Variants in MACROD2 observed in about 807,000 individuals in gnomAD.
MACROD2 encodes mono-ADP ribosylhydrolase 2.
A neutral mutation model predicts 70.4 loss-of-function variants in MACROD2; 36 were observed. The ratio of observed to expected loss-of-function variants is 0.51; its 90% CI spans 0.39 to 0.68. The LOEUF (loss-of-function observed/expected upper bound fraction) is 0.68, where lower values mean the gene tolerates loss of function less well. Among genes scored for constraint, MACROD2 ranks in the 30% least tolerant of loss-of-function variants. The pLI, the probability that MACROD2 is intolerant of heterozygous loss-of-function variation, is 0.00. For synonymous variants in MACROD2, 172 were observed against 178.8 expected (o/e 0.96, Z 0.30); for missense variants, 496 against 538.4 (o/e 0.92, Z 0.78).
rs772034372 is a variant in MACROD2 at position 14,448,697 on chromosome 20, AAAGG to A, written c.272-44781_272-44778del. ...AAAAAAAAGAAAGAAAGAAAGAAAG[AAAGG>A]CGGTGAGAGACAAACATAACATTGA... On this transcript the variant is annotated intron_variant, in intron 3 of 17. Coordinates refer to ENST00000684519, the MANE Select transcript of MACROD2 (RefSeq NM_001351661.2). Among the ~76,000 whole-genome samples the A allele has an allele frequency of 2.0e-3, 302 of 151,472 alleles. 3 individuals are homozygous for A. The South Asian group carries it at 0.023, about 12-fold the overall frequency.
intron 6 of MACROD2, among the ~76,000 whole-genome samples, chr20:15,387,799 G>T (rs1338755062): frequency 6.6e-6 from 1 of 150,676 alleles, no homozygotes; most frequent in African/African-American, 2.4e-5. Context: ...AGTGAGTGGG[G>T]TGATCATAGC....
intron 5 of MACROD2, among the ~76,000 whole-genome samples, chr20:15,191,814 G>A (rs1004837782): frequency 6.6e-6 from 1 of 151,800 alleles, no homozygotes; most frequent in African/African-American, 2.4e-5. Flanking sequence ...CAGGAGGTAG[G>A]GATATCTTCA....
chr20:15,464,740 T>C (rs2046863005), intron 7 of MACROD2, among the ~76,000 whole-genome samples: 1 of 152,204 alleles, frequency 6.6e-6, no homozygotes, highest in African/African-American at 2.4e-5. Flanking sequence ...AGCACCTTCT[T>C]AGCCGTCCCT....
intron 4 of MACROD2, among the ~76,000 whole-genome samples, chr20:14,682,217 A>G (rs1052522126): frequency 6.6e-6 from 1 of 152,132 alleles, no homozygotes; most frequent in Non-Finnish European, 1.5e-5. Context: ...TTCATTATCT[A>G]TTTGAAAGCA....
intron 5 of MACROD2, among the ~76,000 whole-genome samples, chr20:14,802,224 C>T (rs2072585421): frequency 6.6e-6 from 1 of 152,054 alleles, no homozygotes; most frequent in Admixed American, 6.6e-5. Context: ...CAAACTGTTT[C>T]TAACCATAGA....
At chr20:16,018,177 A>G (rs2066954445) in intron 15 of MACROD2, among the ~76,000 whole-genome samples, 1 of 152,216 alleles carries the variant, frequency 6.6e-6, no homozygotes, top group Non-Finnish European at 1.5e-5. Flanking sequence ...GAGGAAGAGG[A>G]CAACGCAGAG....
intron 5 of MACROD2, among the ~76,000 whole-genome samples, chr20:15,076,087 ATG>A (rs11470644): frequency 0.11 from 17,073 of 152,070 alleles, 2,412 homozygotes; most frequent in African/African-American, 0.32. Flanking sequence ...AACATTTATT[ATG>A]TGTGTCTGTG....
At chr20:15,822,806 C>T (rs185433802) in intron 8 of MACROD2, among the ~76,000 whole-genome samples, 67 of 152,098 alleles carry the variant, frequency 4.4e-4, no homozygotes, top group Admixed American at 3.5e-3. Flanking sequence ...GAAAGGACAG[C>T]AAATTAGGAA....
chr20:15,127,176 A>AT (rs2076073024), intron 5 of MACROD2, among the ~76,000 whole-genome samples: 1 of 152,096 alleles, frequency 6.6e-6, no homozygotes, highest in Non-Finnish European at 1.5e-5. Flanking sequence ...CAATCAGGAA[A>AT]TAACTCTTCA....
At chr20:15,462,676 G>A (rs1262867830) in intron 7 of MACROD2, among the ~76,000 whole-genome samples, 1 of 152,168 alleles carries the variant, frequency 6.6e-6, no homozygotes, top group Non-Finnish European at 1.5e-5. Context: ...CAGTGCTTTT[G>A]ATTTAGCTTC....
intron 15 of MACROD2, among the ~76,000 whole-genome samples, chr20:16,007,721 T>C (rs1486300421): frequency 6.6e-6 from 1 of 152,130 alleles, no homozygotes; most frequent in Non-Finnish European, 1.5e-5. Context: ...ATTCAGTAGG[T>C]GGAGCAAGGC....
At chr20:15,017,802 G>C (rs894849917) in intron 5 of MACROD2, among the ~76,000 whole-genome samples, 5 of 152,188 alleles carry the variant, frequency 3.3e-5, no homozygotes, top group Non-Finnish European at 7.4e-5. Flanking sequence ...CACAGCCCAA[G>C]CTTTATGTTG....
At chr20:14,157,953 C>T (rs148580078) in intron 3 of MACROD2, among the ~76,000 whole-genome samples, 517 of 152,218 alleles carry the variant, frequency 3.4e-3, no homozygotes, top group East Asian at 0.011. Context: ...AGTGGGATTG[C>T]TGGATCATAT....
chr20:15,356,462 A>T (rs190954660), intron 6 of MACROD2, among the ~76,000 whole-genome samples: 2 of 152,338 alleles, frequency 1.3e-5, no homozygotes, highest in East Asian at 3.9e-4. Flanking sequence ...CTTGATAAAA[A>T]TACCAGGCAT....
intron 6 of MACROD2, among the ~76,000 whole-genome samples, chr20:15,230,750 A>G (rs1344159596): frequency 6.6e-6 from 1 of 152,028 alleles, no homozygotes; most frequent in Non-Finnish European, 1.5e-5. Flanking sequence ...CTGGATTTGG[A>G]GGTATTTACT....
chr20:15,899,122 T>C (rs551587998), intron 10 of MACROD2, among the ~76,000 whole-genome samples: 2 of 152,058 alleles, frequency 1.3e-5, no homozygotes, highest in South Asian at 4.1e-4. Context: ...TATATATGTA[T>C]GTATGCACAT....
At chr20:15,002,049 A>G (rs1006680842) in intron 5 of MACROD2, among the ~76,000 whole-genome samples, 3 of 152,074 alleles carry the variant, frequency 2.0e-5, no homozygotes, top group Admixed American at 6.5e-5. Flanking sequence ...TATTTTTGCA[A>G]TTGTGAATTG....
At chr20:15,694,679 C>T (rs1163393961) in intron 8 of MACROD2, among the ~76,000 whole-genome samples, 1 of 152,144 alleles carries the variant, frequency 6.6e-6, no homozygotes, top group Non-Finnish European at 1.5e-5. Context: ...TCTGTTTACT[C>T]TGCTGACTGT....
At chr20:15,363,885 T>A (rs1487479856) in intron 6 of MACROD2, among the ~76,000 whole-genome samples, 1 of 152,222 alleles carries the variant, frequency 6.6e-6, no homozygotes, top group African/African-American at 2.4e-5. Flanking sequence ...CGGATGCATA[T>A]GTTACAAGCT....
Sources: gnomAD v4.1 joint callset for allele counts (sites outside exome capture counted in the v4.1 genomes callset) on GRCh38, gnomAD v4.1.1 for gene constraint, MANE v1.5 for transcripts, NCBI Gene and HGNC (gene_info 2026-07-23, HGNC 2026-07-21) for gene names.